Variants in TRPV4 observed in about 807,000 individuals in gnomAD.
TRPV4 encodes the protein OSM9-like transient receptor potential channel 4.
In TRPV4, 58 loss-of-function variants were observed where a neutral mutation model predicts 84.1. That is an observed-to-expected ratio of 0.69 (90% CI 0.56 to 0.86). The LOEUF is 0.86. Ranked by LOEUF, TRPV4 falls within the 40% of genes least tolerant of loss-of-function variation. The pLI is 0.00. For missense variants in TRPV4, 879 were observed against 1,181.1 expected, an observed-to-expected ratio of 0.74 and a Z score of 3.75; for synonymous variants, 489 against 500.9, an observed-to-expected ratio of 0.98 and a Z score of 0.32.
At chr12:109,806,293 CAA>C (rs1197815317) in intron 3 of TRPV4, among the ~76,000 whole-genome samples, 2 of 150,958 alleles carry the variant, frequency 1.3e-5, no homozygotes, top group African/African-American at 4.9e-5. Flanking sequence ...CTCCCAGGTT[CAA>C]GTGATTCTCC....
chr12:109,789,586 G>T (rs1285800535), intron 12 of TRPV4, among the ~76,000 whole-genome samples: 2 of 152,102 alleles, frequency 1.3e-5, no homozygotes, highest in African/African-American at 4.8e-5. Flanking sequence ...CTAAGCCCAG[G>T]TGGAGCTTCA....
chr12:109,787,496 C>T (rs1889763598), intron 13 of TRPV4, among the ~76,000 whole-genome samples: 1 of 152,042 alleles, frequency 6.6e-6, no homozygotes, highest in South Asian at 2.1e-4. Flanking sequence ...CCCAGCTACT[C>T]GGGAGGCTGA....
rs1283263106 is a variant in TRPV4 at position 109,798,636 on chromosome 12, G to A, written c.1130C>T (p.Ala377Val). 1 of 1,612,664 alleles carries A rather than the reference G, an allele frequency of 6.2e-7. No individual in the cohort carries two copies. Among genetic ancestry groups the A allele is most frequent in the Non-Finnish European group, 8.5e-7 (1 of 1,180,018 alleles). The stretch of plus-strand genomic sequence containing the variant: ...CACCCCAATCTTGCCCGTCTTGGCA[G>A]CCATCATGAGGGGCGAGAGGCCGTC... The part of the protein sequence containing the change: ...NNDGLSPLMM[A>V]AKTGKIGIFQ... The change falls in exon 6 of 16, where the codon GCT (alanine) becomes GTT (valine). Residue 377 changes from alanine to valine, a missense_variant. Around this residue, in one of 4 missense-constraint regions of TRPV4, gnomAD observed 521 missense variants for 686.6 expected, o/e 0.76. Transcript: ENST00000261740. The surrounding 1 kb of genome is among the most constrained non-coding windows in gnomAD (Gnocchi z 5.0).
chr12:109,818,990 C>T (rs1435950143), intron 1 of TRPV4, among the ~76,000 whole-genome samples: 28 of 152,154 alleles, frequency 1.8e-4, no homozygotes, highest in Admixed American at 1.8e-3. Flanking sequence ...TGAAGAAAAC[C>T]TCTAGACTCC....
At position 109,797,212 on chromosome 12, in the gene TRPV4, C is replaced by T. The variant is rs563914797; in HGVS notation, c.1153-508G>A. Among the ~76,000 whole-genome samples, 15 of 152,096 alleles carry T rather than the reference C, an allele frequency of 9.9e-5. No homozygotes were observed. The South Asian group carries it at 2.1e-3, about 21-fold the overall frequency. ...TGTCACCCAGGCTGGAGTGCAGTGG[C>T]GCGATCTCAGCACACTGCAACCCTC... On this transcript the variant is annotated intron_variant, in intron 6 of 15. Transcript: ENST00000261740.
chr12:109,811,230 T>A (rs913258396), intron 2 of TRPV4, among the ~76,000 whole-genome samples: 2 of 152,176 alleles, frequency 1.3e-5, no homozygotes, highest in African/African-American at 4.8e-5. Flanking sequence ...GGCACATCCA[T>A]GTGCTCAGCT....
In TRPV4 at chr12:109,788,540, T is replaced by C; in HGVS notation, c.2068A>G (p.Lys690Glu). ...AGGATGATGAAGACCACGGGGTACT[T>C]GGTGCTGCTCAGCATCTCCAGGTCG... The part of the protein sequence containing the change: ...MGDLEMLSST[K>E]YPVVFIILLV... Residue 690 changes from lysine to glutamate, a missense_variant, in exon 13 of 16, where the codon AAG (lysine) becomes GAG (glutamate). Physicochemically the swap from Lys to Glu is moderately conservative, Grantham distance 56. Coordinates refer to ENST00000261740, the MANE Select transcript of TRPV4 (RefSeq NM_021625.5). The C allele has an allele frequency of 6.2e-7, 1 of 1,614,186 alleles. No homozygotes were observed. Among genetic ancestry groups the C allele is most frequent in the South Asian group, 1.1e-5 (1 of 91,086 alleles).
intron 13 of TRPV4, 72 bp downstream of exon 13, chr12:109,788,328 G>T: frequency 6.8e-7 from 1 of 1,462,996 alleles, no homozygotes; most frequent in Non-Finnish European, 9.4e-7. Context: ...GGCCGAGGAA[G>T]CCAGTCGGGT....
chr12:109,818,777 G>A (rs1462579331), intron 1 of TRPV4, among the ~76,000 whole-genome samples: 2 of 152,094 alleles, frequency 1.3e-5, no homozygotes, highest in Admixed American at 1.3e-4. Context: ...TGATTTACCT[G>A]TCCTCCTTAC....
intron 1 of TRPV4, among the ~76,000 whole-genome samples, chr12:109,820,393 C>T (rs959631413): frequency 3.2e-5 from 4 of 126,138 alleles, no homozygotes; most frequent in South Asian, 5.0e-4. Flanking sequence ...CCCCCTGAGC[C>T]GGTGGGGCAC....
At chr12:109,791,346 C>T (rs1355609469) in intron 12 of TRPV4, among the ~76,000 whole-genome samples, 2 of 151,848 alleles carry the variant, frequency 1.3e-5, no homozygotes, top group Non-Finnish European at 2.9e-5. Context: ...GCACCACTGC[C>T]CTCCAGCCTT....
chr12:109,790,476 GGA>G (rs1479864088), intron 12 of TRPV4, among the ~76,000 whole-genome samples: 1 of 152,182 alleles, frequency 6.6e-6, no homozygotes, highest in African/African-American at 2.4e-5. Flanking sequence ...GTATATCAAG[GGA>G]GCTGATGTTG....
rs1263450393 is a variant in TRPV4 at position 109,796,702 on chromosome 12, G to T, written c.1155C>A (p.Ile385=). 6.2e-7 allele frequency: 1 copy of T among 1,611,332 alleles called. No homozygotes were observed. Among genetic ancestry groups the T allele is most frequent in the Non-Finnish European group, 8.5e-7 (1 of 1,178,102 alleles). ...MMAAKTGKIG[I]FQHIIRREVT... ...CCTCCCGCCGGATGATGTGCTGAAA[G>T]ATCTGCACAGGGGGCCAGGAGGGTC... is the stretch of plus-strand genomic sequence containing the variant. The change falls in exon 7 of 16, where the codon ATC becomes ATA. Residue 385 remains isoleucine, a splice_region_variant and synonymous_variant. Transcript: ENST00000261740. This position sits in a 1 kb window ranked among gnomAD's most constrained non-coding sequence, Gnocchi z 4.2.
Position 109,785,890 on chromosome 12 carries a change from C to T in TRPV4, c.2336+820G>A, listed in dbSNP as rs774803193. Among the ~76,000 whole-genome samples the T allele has an allele frequency of 1.3e-4, 19 of 151,850 alleles. No individual in the cohort carries two copies. In the East Asian group the frequency reaches 2.4e-3, roughly 19 times the overall value. On this transcript the variant is annotated intron_variant, in intron 14 of 15. Transcript: ENST00000261740. ...CTCTACAAAAAAATTAAAAATTGGTCGGACATGGTGGCATGAGGAGGCTGA... is the reference window on the plus strand; with the variant it reads ...CTCTACAAAAAAATTAAAAATTGGTTGGACATGGTGGCATGAGGAGGCTGA...
chr12:109,816,687 A>G (rs1891865524), intron 1 of TRPV4, among the ~76,000 whole-genome samples: 1 of 152,202 alleles, frequency 6.6e-6, no homozygotes, highest in Non-Finnish European at 1.5e-5. Flanking sequence ...CTGAGGCAGG[A>G]GAATCACTTG....
chr12:109,786,981 T>G lies in TRPV4; in HGVS notation c.2209-144A>C. The stretch of plus-strand genomic sequence containing the variant: ...TACTCCCCACTAGACACAGGGTTTA[T>G]AAACTCAAATACCCACAGGTGGCAG... On this transcript the variant is annotated intron_variant, in intron 13 of 15. Coordinates refer to ENST00000261740, the MANE Select transcript of TRPV4 (RefSeq NM_021625.5). This position sits in a 1 kb window ranked among gnomAD's most constrained non-coding sequence, Gnocchi z 4.5. The G allele has an allele frequency of 8.5e-7, 1 of 1,180,780 alleles. No individual in the cohort carries two copies. The highest frequency in any genetic ancestry group is 1.2e-6 in the Non-Finnish European group (1 of 831,582). The allele number at this position is 1,180,780 out of a possible 1,614,324, so 73.1% of individuals were successfully genotyped here. A position where few individuals can be genotyped will look rare whatever the true frequency, so the allele number is the denominator to read the frequency against.
chr12:109,792,473 G>A (rs762504630), intron 11 of TRPV4, 44 bp from the exon 12 acceptor site: 1 of 1,598,496 alleles, frequency 6.3e-7, no homozygotes, highest in South Asian at 1.1e-5. Context: ...GGAGACACAT[G>A]GTTTCTCACT....
At chr12:109,803,232 G>C (rs1843056551) in intron 3 of TRPV4, 89 bp from the exon 4 acceptor site, 2 of 1,489,126 alleles carry the variant, frequency 1.3e-6, no homozygotes, top group Non-Finnish European at 1.8e-6. Flanking sequence ...TGGGTAGGGG[G>C]TCAGATGTCC....
At chr12:109,817,584 TCAACC>T (rs1891915506) in intron 1 of TRPV4, among the ~76,000 whole-genome samples, 1 of 152,188 alleles carries the variant, frequency 6.6e-6, no homozygotes, top group Non-Finnish European at 1.5e-5. Context: ...CCAGCAACTG[TCAACC>T]TGTATGGCTG....
Sources: gnomAD v4.1 joint callset for allele counts (sites outside exome capture counted in the v4.1 genomes callset) on GRCh38, gnomAD v4.1.1 for gene constraint, gnomAD v4.1.1 regional missense constraint, Gnocchi (gnomAD v3.1) non-coding constraint, MANE v1.5 for transcripts, NCBI Gene and HGNC (gene_info 2026-07-23, HGNC 2026-07-21) for gene names.